Variants in RBFOX1 observed in about 807,000 individuals in gnomAD.
RBFOX1 encodes the protein RNA binding protein fox-1 homolog 1.
A neutral mutation model predicts 57.7 loss-of-function variants in RBFOX1; 8 were observed. That is an observed-to-expected ratio of 0.14 (90% CI 0.08 to 0.25). The LOEUF is 0.25. Ranked by LOEUF, RBFOX1 falls within the 10% of genes least tolerant of loss-of-function variation. The pLI, the probability that RBFOX1 is intolerant of heterozygous loss-of-function variation, is 1.00. For missense variants in RBFOX1, 611 were observed against 548.5 expected (o/e 1.11, Z -1.14); for synonymous variants, 326 against 222.4 (o/e 1.47, Z -4.15).
chr16:6,550,483 G>T (rs377546017), intron 2 of RBFOX1, among the ~76,000 whole-genome samples: 1 of 152,114 alleles, frequency 6.6e-6, no homozygotes, highest in Non-Finnish European at 1.5e-5. Flanking sequence ...CTGCCACCAT[G>T]CCCACCTAAT....
At chr16:7,394,526 C>T (rs12709198) in intron 4 of RBFOX1, among the ~76,000 whole-genome samples, 25,144 of 151,986 alleles carry the variant, frequency 0.17, 2,104 homozygotes, top group East Asian at 0.25. Flanking sequence ...GGCAGTGAAA[C>T]CAACCTGTAC....
At chr16:6,282,553 C>T (rs1019343059) in intron 1 of RBFOX1, among the ~76,000 whole-genome samples, 2 of 151,932 alleles carry the variant, frequency 1.3e-5, no homozygotes, top group African/African-American at 4.8e-5. Context: ...CCACCCCCGA[C>T]AGGCCCCAGT....
At chr16:7,466,707 A>C (rs1567321811) in intron 4 of RBFOX1, among the ~76,000 whole-genome samples, 1 of 152,232 alleles carries the variant, frequency 6.6e-6, no homozygotes, top group East Asian at 1.9e-4. Context: ...GCTTACCTGC[A>C]TGAATTATTC....
chr16:7,012,236 C>G (rs2093686738), intron 3 of RBFOX1, among the ~76,000 whole-genome samples: 1 of 152,162 alleles, frequency 6.6e-6, no homozygotes, highest in Admixed American at 6.5e-5. Flanking sequence ...CTCATAACAT[C>G]AGCAAGATGA....
At chr16:6,894,222 T>C (rs2066212267) in intron 3 of RBFOX1, among the ~76,000 whole-genome samples, 1 of 152,208 alleles carries the variant, frequency 6.6e-6, no homozygotes, top group Non-Finnish European at 1.5e-5. Flanking sequence ...CACTTCTGCA[T>C]TTTCTGTCAC....
chr16:5,572,998 A>G (rs1567244761), intron 2 of RBFOX1, among the ~76,000 whole-genome samples: 1 of 152,120 alleles, frequency 6.6e-6, no homozygotes, highest in Non-Finnish European at 1.5e-5. Context: ...ACCTTTGATG[A>G]AGGCTGCCCC....
intron 3 of RBFOX1, among the ~76,000 whole-genome samples, chr16:6,826,216 A>G (rs988617686): frequency 1.3e-5 from 2 of 152,096 alleles, no homozygotes; most frequent in Admixed American, 6.6e-5. Context: ...CGACGCATGT[A>G]AGAGCTTAGA....
intron 4 of RBFOX1, among the ~76,000 whole-genome samples, chr16:7,101,873 C>T (rs2062756314): frequency 6.6e-6 from 1 of 152,074 alleles, no homozygotes. Context: ...AGGGATTGTA[C>T]AGTTGGTAAA....
Position 5,916,936 on chromosome 16 carries a change from C to T in RBFOX1, c.351+49601C>T, listed in dbSNP as rs1007318795. ...GGACTGAATTCAGCTGTGCGCAGGA[C>T]GAGCTAGTGGGTGTCTCCCCTGCCT... On this transcript the variant is annotated intron_variant, in intron 4 of 19. Transcript: ENST00000641259. 3.9e-5 allele frequency among the ~76,000 whole-genome samples: 6 copies of T among 152,110 alleles called. No individual in the cohort carries two copies. The East Asian group carries it at 5.8e-4, about 15-fold the overall frequency.
chr16:5,452,397 C>CT (rs2151568982), intron 1 of RBFOX1, among the ~76,000 whole-genome samples: 1 of 152,194 alleles, frequency 6.6e-6, no homozygotes, highest in East Asian at 1.9e-4. Context: ...GGGTGAGTTA[C>CT]TACACCCGGG....
chr16:5,806,388 G>A (rs1370786209), intron 3 of RBFOX1, among the ~76,000 whole-genome samples: 1 of 152,178 alleles, frequency 6.6e-6, no homozygotes, highest in African/African-American at 2.4e-5. Flanking sequence ...AGGGACAAAT[G>A]CTATGTACTC....
At chr16:7,646,810 G>A (rs754406525) in intron 11 of RBFOX1, among the ~76,000 whole-genome samples, 1 of 152,128 alleles carries the variant, frequency 6.6e-6, no homozygotes, top group Non-Finnish European at 1.5e-5. Flanking sequence ...TTTCTCTTGG[G>A]ATTTCCTGGC....
intron 3 of RBFOX1, among the ~76,000 whole-genome samples, chr16:7,013,626 A>T (rs911759598): frequency 6.6e-6 from 1 of 152,228 alleles, no homozygotes; most frequent in African/African-American, 2.4e-5. Flanking sequence ...ACCTGGAATC[A>T]GGGAGGAGGG....
At chr16:5,311,246 A>G (rs2064080345) in intron 1 of RBFOX1, among the ~76,000 whole-genome samples, 1 of 152,144 alleles carries the variant, frequency 6.6e-6, no homozygotes, top group African/African-American at 2.4e-5. Context: ...CACATATATC[A>G]CACACATATA....
intron 3 of RBFOX1, among the ~76,000 whole-genome samples, chr16:6,663,811 G>T (rs1452009098): frequency 6.6e-6 from 1 of 152,234 alleles, no homozygotes; most frequent in East Asian, 1.9e-4. Context: ...AGGGAGATGG[G>T]GTGGAGAGCA....
intron 4 of RBFOX1, among the ~76,000 whole-genome samples, chr16:7,179,518 GT>G (rs1249548789): frequency 1.3e-5 from 2 of 151,984 alleles, no homozygotes; most frequent in Non-Finnish European, 2.9e-5. Context: ...AATTAATTAT[GT>G]TTGCTGTTAG....
chr16:6,542,391 A>T (rs2096833015), intron 2 of RBFOX1, among the ~76,000 whole-genome samples: 1 of 148,676 alleles, frequency 6.7e-6, no homozygotes, highest in African/African-American at 2.5e-5. Flanking sequence ...GTTTTACCCC[A>T]TGTGTGCTTT....
intron 1 of RBFOX1, among the ~76,000 whole-genome samples, chr16:6,084,921 C>G (rs376929951): frequency 6.6e-6 from 1 of 152,124 alleles, no homozygotes; most frequent in African/African-American, 2.4e-5. Flanking sequence ...ATCTCAGTTT[C>G]TGCTATTTTT....
chr16:5,348,581 C>T (rs931400370), intron 1 of RBFOX1, among the ~76,000 whole-genome samples: 7 of 152,284 alleles, frequency 4.6e-5, no homozygotes, highest in African/African-American at 1.7e-4. Flanking sequence ...CATACTTGCT[C>T]TTAACCCCCC....
Sources: allele counts gnomAD v4.1 joint callset (sites outside exome capture counted in the v4.1 genomes callset), GRCh38; gene constraint gnomAD v4.1.1; transcripts MANE v1.5; gene names NCBI Gene and HGNC (gene_info 2026-07-23, HGNC 2026-07-21).